Variants in MS4A4E observed in about 807,000 individuals in gnomAD.
MS4A4E encodes putative membrane-spanning 4-domains subfamily A member 4E.
MS4A4E carries 23 observed loss-of-function variants against 13.3 expected under a neutral mutation model. The ratio of observed to expected loss-of-function variants is 1.73; its 90% CI spans 1.25 to 2.45. MS4A4E has a LOEUF of 2.45. MS4A4E is among the 30% of genes most tolerant of loss of function. The probability of loss-of-function intolerance (pLI) is 0.00; values close to 1 mark genes in which losing one functional copy is unlikely to be tolerated. For synonymous variants in MS4A4E, 36 were observed against 45.6 expected (o/e 0.79, Z 0.85); for missense variants, 144 against 131.2 (o/e 1.10, Z -0.48).
chr11:60,229,068 A>T (rs886319112), intron 2 of MS4A4E, among the ~76,000 whole-genome samples: 3 of 152,246 alleles, frequency 2.0e-5, no homozygotes, highest in Admixed American at 6.5e-5. Flanking sequence ...AGGTTCATCA[A>T]CTGGAACAAA....
chr11:60,214,927 G>T (rs1426951889), intron 3 of MS4A4E, among the ~76,000 whole-genome samples: 4 of 151,942 alleles, frequency 2.6e-5, no homozygotes. Context: ...TTCTTATATG[G>T]TATTAATATT....
chr11:60,225,015 C>A, intron 3 of MS4A4E: 1 of 1,548,196 alleles, frequency 6.5e-7, no homozygotes, highest in Non-Finnish European at 8.7e-7. Flanking sequence ...ATGGGATGTT[C>A]TTCATAAGAA....
chr11:60,232,345 T>C (rs1445771028), intron 1 of MS4A4E, among the ~76,000 whole-genome samples: 1 of 116,496 alleles, frequency 8.6e-6, no homozygotes, highest in Non-Finnish European at 1.8e-5. Context: ...AACAACTACA[T>C]TCCAACCAAA....
intron 1 of MS4A4E, among the ~76,000 whole-genome samples, chr11:60,230,962 G>T (rs1203338583): frequency 6.6e-6 from 1 of 151,986 alleles, no homozygotes; most frequent in Non-Finnish European, 1.5e-5. Context: ...GGAGATGTGT[G>T]CCCTTTTATT....
chr11:60,221,532 C>A (rs2084270187), intron 3 of MS4A4E, among the ~76,000 whole-genome samples: 1 of 152,212 alleles, frequency 6.6e-6, no homozygotes, highest in Non-Finnish European at 1.5e-5. Flanking sequence ...AAGTGGTCAG[C>A]TGCAGCACTA....
intron 3 of MS4A4E, among the ~76,000 whole-genome samples, chr11:60,222,488 T>C (rs574619190): frequency 3.9e-5 from 6 of 152,322 alleles, no homozygotes; most frequent in African/African-American, 1.4e-4. Flanking sequence ...TTTTCAGGGC[T>C]GGGGCAATGT....
chr11:60,213,729 A>G (rs1445105865), intron 4 of MS4A4E, among the ~76,000 whole-genome samples: 3 of 152,162 alleles, frequency 2.0e-5, no homozygotes, highest in South Asian at 4.1e-4. Context: ...AAACTCAAAT[A>G]GTGTTTAGCC....
intron 1 of MS4A4E, among the ~76,000 whole-genome samples, chr11:60,237,643 T>C (rs1330902543): frequency 6.6e-6 from 1 of 152,224 alleles, no homozygotes; most frequent in Non-Finnish European, 1.5e-5. Flanking sequence ...TTAATAGTCA[T>C]TCTGATTGGT....
chr11:60,222,162 G>A lies in MS4A4E; in HGVS notation c.178+6432C>T, dbSNP rs565365361. On this transcript the variant is annotated intron_variant, in intron 3 of 8. Transcript: ENST00000651255. ...GATTATATTAGACCTCTTCCATCACGGAAAGGGCAGCGGTTTTTCCTCACC... is the reference window on the plus strand; with the variant it reads ...GATTATATTAGACCTCTTCCATCACAGAAAGGGCAGCGGTTTTTCCTCACC... Among the ~76,000 whole-genome samples, 9 of 152,286 alleles carry A rather than the reference G, an allele frequency of 5.9e-5. No individual in the cohort carries two copies. In the East Asian group the frequency reaches 9.6e-4, roughly 16 times the overall value.
rs190105571 is a variant in MS4A4E at position 60,241,116 on chromosome 11, C to T, written c.-17+1842G>A. 9.5e-3 allele frequency among the ~76,000 whole-genome samples: 1,447 copies of T among 152,258 alleles called. 14 individuals carry two copies. The highest frequency in any genetic ancestry group is 0.023 in the African/African-American group (959 of 41,550). ...TCGGCTCACTGCAAGCTCCGCCTCCCGGGTTCACGCCATTCTCCTGCCTCA... is the reference window on the plus strand; with the variant it reads ...TCGGCTCACTGCAAGCTCCGCCTCCTGGGTTCACGCCATTCTCCTGCCTCA... On this transcript the variant is annotated intron_variant, in intron 1 of 8. Coordinates refer to ENST00000651255, the MANE Select transcript of MS4A4E (RefSeq NM_001393391.1).
intron 5 of MS4A4E, among the ~76,000 whole-genome samples, chr11:60,210,097 A>G (rs555294135): frequency 3.9e-5 from 6 of 152,380 alleles, no homozygotes; most frequent in African/African-American, 1.4e-4. Flanking sequence ...TGCAGACCGT[A>G]AGGTCTCTGG....
intron 3 of MS4A4E, chr11:60,224,851 A>G (rs2084319783): frequency 7.7e-6 from 7 of 912,050 alleles, no homozygotes; most frequent in Admixed American, 3.4e-5. Flanking sequence ...AAGGTTAGAT[A>G]CCATTCTCAA....
At chr11:60,211,742 G>A (rs568349134) in intron 5 of MS4A4E, among the ~76,000 whole-genome samples, 9 of 152,198 alleles carry the variant, frequency 5.9e-5, no homozygotes, top group Non-Finnish European at 7.4e-5. Context: ...GAGAAACCCC[G>A]TCTCCACTAA....
intron 1 of MS4A4E, among the ~76,000 whole-genome samples, chr11:60,234,137 T>C (rs1305478658): frequency 6.6e-6 from 1 of 152,192 alleles, no homozygotes; most frequent in Non-Finnish European, 1.5e-5. Context: ...TGGAAACAAA[T>C]CACTGGTTTT....
At chr11:60,219,819 A>T (rs953697423) in intron 3 of MS4A4E, among the ~76,000 whole-genome samples, 2 of 152,188 alleles carry the variant, frequency 1.3e-5, no homozygotes, top group Non-Finnish European at 2.9e-5. Flanking sequence ...ATTCCAGGGG[A>T]CCCAAAAAGT....
rs1335230122 is a variant in MS4A4E, at chr11:60,201,030, C to A, written c.*513G>T. 6.8e-6 allele frequency among the ~76,000 whole-genome samples: 1 copy of A among 147,578 alleles called. No homozygotes were observed. The highest frequency in any genetic ancestry group is 2.6e-5 in the African/African-American group (1 of 39,106). On this transcript the variant is annotated 3_prime_UTR_variant, in exon 9 of 9. Coordinates refer to ENST00000651255, the MANE Select transcript of MS4A4E (RefSeq NM_001393391.1). ...GCCGGGCAGAGGGCTGACCCCCCCA[C>A]CTCCCTCCCAGACGTGGTGGCTGGC...
chr11:60,242,966 AG>A lies in MS4A4E; in HGVS notation c.-26del. On this transcript the variant is annotated 5_prime_UTR_variant, in exon 1 of 9. Coordinates refer to ENST00000651255, the MANE Select transcript of MS4A4E (RefSeq NM_001393391.1). ...CAAGTCCCTGGACCTACCTTTCTTCAGGCCTGCAATGTCTGCTGCAGGTCTG... is the reference window on the plus strand; with the variant it reads ...CAAGTCCCTGGACCTACCTTTCTTCAGCCTGCAATGTCTGCTGCAGGTCTG... 6.3e-7 allele frequency: 1 copy of A among 1,577,840 alleles called. No individual in the cohort carries two copies. Among genetic ancestry groups the A allele is most frequent in the Non-Finnish European group, 8.7e-7 (1 of 1,151,690 alleles).
intron 1 of MS4A4E, among the ~76,000 whole-genome samples, chr11:60,234,059 T>C (rs1480511108): frequency 6.6e-6 from 1 of 152,212 alleles, no homozygotes. Flanking sequence ...CAGTTATGCC[T>C]TTTTCTTGCC....
chr11:60,228,777 G>T (rs1282196040), intron 2 of MS4A4E, 150 bp from the exon 3 acceptor site: 3 of 443,270 alleles, frequency 6.8e-6, no homozygotes, highest in African/African-American at 6.1e-5. Flanking sequence ...GAGCTATTAA[G>T]CCATAAGAAA....
Sources: allele counts gnomAD v4.1 joint callset (sites outside exome capture counted in the v4.1 genomes callset), GRCh38; gene constraint gnomAD v4.1.1; transcripts MANE v1.5; gene names NCBI Gene and HGNC (gene_info 2026-07-23, HGNC 2026-07-21).